RAET1E: variants seen among roughly 807,000 people sequenced by gnomAD.
RAET1E encodes NKG2D ligand 4.
Under a neutral mutation model 21.1 loss-of-function variants are expected in RAET1E, and 27 were observed. That is an observed-to-expected ratio of 1.28 (90% CI 0.94 to 1.76). RAET1E has a LOEUF of 1.76. Ranked by LOEUF, RAET1E falls within the 40% of genes most tolerant of loss-of-function variation. RAET1E has a pLI of 0.00. For missense variants in RAET1E, 310 were observed against 311.3 expected, an observed-to-expected ratio of 1.00 and a Z score of 0.03; for synonymous variants, 113 against 115.0, an observed-to-expected ratio of 0.98 and a Z score of 0.11.
intron 5 of RAET1E, chr6:149,888,972 A>T (rs573753335): frequency 1.2e-6 from 1 of 851,444 alleles, no homozygotes; most frequent in South Asian, 2.2e-5. Context: ...GTGGTGCTTA[A>T]TTCTGTGTGG....
In RAET1E at chr6:149,888,668, C is replaced by CT. The variant is rs1777720742; in HGVS notation, c.623-2dup. On this transcript the variant is annotated splice_acceptor_variant, in intron 5 of 5. Transcript: ENST00000357183. LOFTEE classifies it high-confidence loss of function. Reference sequence around the variant, plus strand: ...ATATCTGAAGCATTTACTGGTGACACTAAAAAAAAAAAAAAAAAGAAAAAA... The same window carrying CT: ...ATATCTGAAGCATTTACTGGTGACACTTAAAAAAAAAAAAAAAAAGAAAAAA... 8.2e-7 allele frequency: 1 copy of CT among 1,213,316 alleles called. No homozygotes were observed. Among genetic ancestry groups the CT allele is most frequent in the African/African-American group, 3.0e-5 (1 of 33,374 alleles). The allele number at this position is 1,213,316 out of a possible 1,614,324, so 75.2% of individuals were successfully genotyped here. A position where few individuals can be genotyped will look rare whatever the true frequency, so the allele number is the denominator to read the frequency against.
At chr6:149,895,484 CACTGTG>C (rs1418876948) in intron 2 of RAET1E, 1 of 152,238 alleles carries the variant, frequency 6.6e-6, no homozygotes, top group Non-Finnish European at 1.5e-5. Flanking sequence ...GTTTTGTTTA[CACTGTG>C]ACCTTAAAAC....
intron 1 of RAET1E, among the ~76,000 whole-genome samples, chr6:149,897,327 A>G (rs1451897398): frequency 6.6e-6 from 1 of 152,094 alleles, no homozygotes; most frequent in Non-Finnish European, 1.5e-5. Context: ...GAGCCACCAC[A>G]CCCGGCTGAA....
intron 5 of RAET1E, among the ~76,000 whole-genome samples, chr6:149,888,944 T>A (rs1446445213): frequency 6.6e-6 from 1 of 152,142 alleles, no homozygotes; most frequent in Non-Finnish European, 1.5e-5. Flanking sequence ...TAGAACTGTT[T>A]GGAGGATGAC....
chr6:149,892,149 A>G (rs1488571897), intron 2 of RAET1E, among the ~76,000 whole-genome samples: 3 of 152,204 alleles, frequency 2.0e-5, no homozygotes. Context: ...GCTATTGTGA[A>G]TAGTGCCACA....
At chr6:149,890,785 C>T in intron 3 of RAET1E, 32 bp downstream of exon 3, 1 of 1,509,542 alleles carries the variant, frequency 6.6e-7, no homozygotes, top group South Asian at 1.1e-5. Flanking sequence ...TCCTCCTTGT[C>T]CTCAGCCAGT....
intron 2 of RAET1E, among the ~76,000 whole-genome samples, chr6:149,893,566 T>C (rs2114585327): frequency 6.6e-6 from 1 of 152,378 alleles, no homozygotes. Context: ...CCTGAGACTT[T>C]GCTGAAGTTG....
chr6:149,897,869 A>C (rs983126907), intron 1 of RAET1E, among the ~76,000 whole-genome samples, 152 bp downstream of exon 1: 6 of 140,040 alleles, frequency 4.3e-5, no homozygotes, highest in African/African-American at 1.1e-4. Context: ...CCGCCGCCAC[A>C]CCCCCAGCAT....
At chr6:149,888,804 G>A in intron 5 of RAET1E, 137 bp from the exon 6 acceptor site, 4 of 1,310,546 alleles carry the variant, frequency 3.1e-6, no homozygotes, top group Non-Finnish European at 4.1e-6. Flanking sequence ...TCATGTGACA[G>A]CCACTCTACC....
rs1314599765 is a variant in RAET1E, at chr6:149,888,786, T to G, written c.623-119A>C. On this transcript the variant is annotated intron_variant, in intron 5 of 5. Coordinates refer to ENST00000357183, the MANE Select transcript of RAET1E (RefSeq NM_001394057.1). ...CAGGAACACATGGTGCCCCACATAA[T>G]CACTGGCTCATGTGACAGCCACTCT... is the stretch of plus-strand genomic sequence containing the variant. 2.1e-6 allele frequency: 3 copies of G among 1,396,470 alleles called. No individual in the cohort carries two copies. The East Asian group carries it at 7.5e-5, about 35-fold the overall frequency. The allele number at this position is 1,396,470 out of a possible 1,614,324, so 86.5% of individuals were successfully genotyped here.
rs764014163 is a variant in RAET1E, at chr6:149,888,244, G to A, written c.*254C>T. The A allele has an allele frequency of 2.9e-6, 2 of 697,736 alleles. No individual in the cohort carries two copies. The highest frequency in any genetic ancestry group is 2.9e-5 in the South Asian group (2 of 69,490). 43.2% of individuals were successfully genotyped at this position (697,736 alleles called of 1,614,324 possible). The stretch of plus-strand genomic sequence containing the variant: ...GACAGCAAACAAACTTTCCGTCAAA[G>A]AGCTGGATGAAACCTGGGCCGGATG... On this transcript the variant is annotated 3_prime_UTR_variant, in exon 6 of 6. Coordinates refer to ENST00000357183, the MANE Select transcript of RAET1E (RefSeq NM_001394057.1).
At chr6:149,896,420 A>G (rs1778115357) in intron 1 of RAET1E, among the ~76,000 whole-genome samples, 4 of 152,114 alleles carry the variant, frequency 2.6e-5, no homozygotes, top group Admixed American at 1.3e-4. Flanking sequence ...CATGTCCCCT[A>G]TGTGGTTCTC....
rs1257445380 is a variant in RAET1E, at chr6:149,885,695, T to G, written c.*2803A>C. 6.6e-6 allele frequency: 1 copy of G among 151,660 alleles called. No individual in the cohort carries two copies. Among genetic ancestry groups the G allele is most frequent in the Non-Finnish European group, 1.5e-5 (1 of 68,108 alleles). 9.4% of individuals were successfully genotyped at this position (151,660 alleles called of 1,614,324 possible). ...ACAGGTAGGATGGTGGAGATGTGGT[T>G]GGGGACATGGATGGTTGAGGTGAAA... On this transcript the variant is annotated 3_prime_UTR_variant, in exon 6 of 6. Coordinates refer to ENST00000357183, the MANE Select transcript of RAET1E (RefSeq NM_001394057.1).
At position 149,888,679 on chromosome 6, in the gene RAET1E, A is replaced by C. The variant is rs553962109; in HGVS notation, c.623-12T>G. 6.4e-7 allele frequency: 1 copy of C among 1,555,368 alleles called. No individual in the cohort carries two copies. The highest frequency in any genetic ancestry group is 8.6e-7 in the Non-Finnish European group (1 of 1,163,400). ...ATTTACTGGTGACACTAAAAAAAAA[A>C]AAAAAAAGAAAAAAAAGCACAAGCC... On this transcript the variant is annotated splice_polypyrimidine_tract_variant and intron_variant, in intron 5 of 5. Coordinates refer to ENST00000357183, the MANE Select transcript of RAET1E (RefSeq NM_001394057.1).
rs1245353350 is a variant in RAET1E at position 149,890,119 on chromosome 6, T to G, written c.112A>C (p.Thr38Pro). The G allele has an allele frequency of 1.2e-6, 2 of 1,613,910 alleles. No homozygotes were observed. The highest frequency in any genetic ancestry group is 1.7e-6 in the Non-Finnish European group (2 of 1,179,978). Residue 38 changes from threonine to proline, a missense_variant, in exon 4 of 6, where the codon ACT becomes CCT. Transcript: ENST00000357183. ...CCAGGTCTGGACAATGATTTTATAG[T>G]GAAGTTGAAGCAAAGAGAGTGACCA... is the stretch of plus-strand genomic sequence containing the variant. ...VGGHSLCFNF[T>P]IKSLSRPGQP...
In RAET1E at chr6:149,884,309, A is replaced by T. The variant is rs567686190; in HGVS notation, c.*4189T>A. The T allele has an allele frequency of 1.3e-3, 656 of 486,844 alleles. 1 individual carries two copies. The highest frequency in any genetic ancestry group is 5.3e-3 in the African/African-American group (264 of 50,148). The allele number at this position is 486,844 out of a possible 1,614,324, so 30.2% of individuals were successfully genotyped here. On this transcript the variant is annotated 3_prime_UTR_variant, in exon 6 of 6. Transcript: ENST00000357183. ...TTTAAAAAATATGTACTGAAAAAAA[A>T]TTTTTTTTTTTTGAGACGGAGTCTT...
rs568617618 is a variant in RAET1E at position 149,886,543 on chromosome 6, T to A, written c.*1955A>T. On this transcript the variant is annotated 3_prime_UTR_variant, in exon 6 of 6. Coordinates refer to ENST00000357183, the MANE Select transcript of RAET1E (RefSeq NM_001394057.1). Reference sequence around the variant, plus strand: ...CCGAGTAGCTGGGATTACAGGCCCATGCCACCACACCCGGCTAATTTTTGT... The same window carrying A: ...CCGAGTAGCTGGGATTACAGGCCCAAGCCACCACACCCGGCTAATTTTTGT... Among the ~76,000 whole-genome samples the A allele has an allele frequency of 3.9e-5, 6 of 152,292 alleles. No individual in the cohort carries two copies. In the East Asian group the frequency reaches 1.2e-3, roughly 29 times the overall value.
intron 2 of RAET1E, chr6:149,895,592 A>T (rs931887152): frequency 1.3e-5 from 2 of 152,258 alleles, no homozygotes; most frequent in African/African-American, 4.8e-5. Context: ...ACCTCAAGGA[A>T]AGCCAAGTCT....
intron 2 of RAET1E, among the ~76,000 whole-genome samples, chr6:149,894,493 T>C (rs2114591299): frequency 6.6e-6 from 1 of 152,312 alleles, no homozygotes; most frequent in African/African-American, 2.4e-5. Context: ...CTTTTTTCTC[T>C]AATCTTGTCT....
Sources: allele counts gnomAD v4.1 joint callset (sites outside exome capture counted in the v4.1 genomes callset), GRCh38; gene constraint gnomAD v4.1.1; transcripts MANE v1.5; gene names NCBI Gene and HGNC (gene_info 2026-07-23, HGNC 2026-07-21).